Variants in PSKH1 observed in about 807,000 individuals in gnomAD.
The protein encoded by PSKH1 is protein serine kinase H1.
A neutral mutation model predicts 26.7 loss-of-function variants in PSKH1; 12 were observed. The ratio of observed to expected loss-of-function variants is 0.45; its 90% confidence interval spans 0.29 to 0.73. PSKH1 has a LOEUF of 0.73. Among genes scored for constraint, PSKH1 ranks in the 30% least tolerant of loss-of-function variants. The probability of loss-of-function intolerance (pLI) is 0.11; values close to 1 mark genes in which losing one functional copy is unlikely to be tolerated. For synonymous variants in PSKH1, 213 were observed against 234.3 expected, an observed-to-expected ratio of 0.91 and a Z score of 0.83; for missense variants, 431 against 595.2, an observed-to-expected ratio of 0.72 and a Z score of 2.87.
chr16:67,911,616 A>T (rs2058173596), intron 2 of PSKH1, among the ~76,000 whole-genome samples: 1 of 152,180 alleles, frequency 6.6e-6, no homozygotes, highest in Non-Finnish European at 1.5e-5. Flanking sequence ...CAGTAGACAG[A>T]GGTTGCAGTA....
At chr16:67,893,676 C>A (rs2058118335) in intron 1 of PSKH1, among the ~76,000 whole-genome samples, 1 of 152,242 alleles carries the variant, frequency 6.6e-6, no homozygotes, top group African/African-American at 2.4e-5. Flanking sequence ...CGCCCCGCGT[C>A]CAGAGCGGGT....
chr16:67,911,550 C>T (rs1241654262), intron 2 of PSKH1, among the ~76,000 whole-genome samples: 2 of 152,140 alleles, frequency 1.3e-5, no homozygotes, highest in South Asian at 2.1e-4. Flanking sequence ...GGTGTGGCAG[C>T]GGGCACCTAT....
rs1134746 is a variant in PSKH1, at chr16:67,929,442, C to T, written c.*1800C>T. ...TTTCCCCCCAGTTCCCCAAGTGTCT[C>T]TGGGGACCTGAAGCCCTGGGGCTTA... is the stretch of plus-strand genomic sequence containing the variant. On this transcript the variant is annotated 3_prime_UTR_variant, in exon 3 of 3. Transcript: ENST00000291041. 1 of 159,258 alleles carries T rather than the reference C, an allele frequency of 6.3e-6. No homozygotes were observed. The highest frequency in any genetic ancestry group is 2.4e-5 in the African/African-American group (1 of 41,586). The allele number at this position is 159,258 out of a possible 1,614,324, so 9.9% of individuals were successfully genotyped here.
At chr16:67,907,442 G>T (rs1360411849) in intron 1 of PSKH1, among the ~76,000 whole-genome samples, 1 of 151,946 alleles carries the variant, frequency 6.6e-6, no homozygotes, top group Non-Finnish European at 1.5e-5. Context: ...TGTACTTGTA[G>T]TAGAAATGGG....
chr16:67,920,266 A>AT (rs1248835864), intron 2 of PSKH1, among the ~76,000 whole-genome samples: 1 of 152,068 alleles, frequency 6.6e-6, no homozygotes, highest in Admixed American at 6.6e-5. Context: ...ATTTATTATT[A>AT]TTTTTTAATA....
intron 1 of PSKH1, among the ~76,000 whole-genome samples, chr16:67,894,738 TG>T (rs1170013000): frequency 6.6e-6 from 1 of 152,178 alleles, no homozygotes; most frequent in Non-Finnish European, 1.5e-5. Flanking sequence ...TGCTGAATGC[TG>T]ACTTATGAAT....
At chr16:67,905,800 A>C (rs1188503108) in intron 1 of PSKH1, among the ~76,000 whole-genome samples, 1 of 152,162 alleles carries the variant, frequency 6.6e-6, no homozygotes, top group Non-Finnish European at 1.5e-5. Context: ...CAGAGGCTGC[A>C]GTTAGCTGAG....
rs1452037791 is a variant in PSKH1, at chr16:67,927,140, CCAT to C, written c.958-182_958-180del. Among the ~76,000 whole-genome samples, 3 of 152,184 alleles carry C rather than the reference CCAT, an allele frequency of 2.0e-5. No individual in the cohort carries two copies. The highest frequency in any genetic ancestry group is 4.4e-5 in the Non-Finnish European group (3 of 68,036). On this transcript the variant is annotated intron_variant, in intron 2 of 2. Transcript: ENST00000291041. The surrounding 1 kb of genome is among the most constrained non-coding windows in gnomAD (Gnocchi z 5.5). The stretch of plus-strand genomic sequence containing the variant: ...AGGTCCTTTCCTTCCTTGCCAGACT[CCAT>C]CACCTGGAGAGCAGCCCTTGTTCAG...
chr16:67,897,709 C>A (rs746953193), intron 1 of PSKH1, among the ~76,000 whole-genome samples: 2 of 152,114 alleles, frequency 1.3e-5, no homozygotes, highest in Non-Finnish European at 2.9e-5. Flanking sequence ...CTGATGATGG[C>A]GAGGTCTCAC....
At chr16:67,916,337 C>T (rs1190556912) in intron 2 of PSKH1, among the ~76,000 whole-genome samples, 1 of 152,182 alleles carries the variant, frequency 6.6e-6, no homozygotes, top group East Asian at 1.9e-4. Flanking sequence ...AGTGCTCTCC[C>T]CTGTACACCA....
chr16:67,923,178 G>A (rs1598193784), intron 2 of PSKH1, among the ~76,000 whole-genome samples: 1 of 152,180 alleles, frequency 6.6e-6, no homozygotes, highest in African/African-American at 2.4e-5. Flanking sequence ...AGCATGGGTA[G>A]GGGGATGAGG....
In PSKH1 at chr16:67,910,472, G is replaced by A. The variant is rs1265777942; in HGVS notation, c.957+766G>A. On this transcript the variant is annotated intron_variant, in intron 2 of 2. Coordinates refer to ENST00000291041, the MANE Select transcript of PSKH1 (RefSeq NM_006742.3). The stretch of plus-strand genomic sequence containing the variant: ...TGTGTCCAGATCTGATTTTTTTTTA[G>A]AAGAGAAACCAGAAAATCTGATCTT... 2.0e-4 allele frequency among the ~76,000 whole-genome samples: 31 copies of A among 152,138 alleles called. 1 individual carries two copies. The highest frequency in any genetic ancestry group is 2.0e-3 in the Admixed American group (31 of 15,270).
At chr16:67,911,218 C>A (rs1299374806) in intron 2 of PSKH1, among the ~76,000 whole-genome samples, 2 of 152,192 alleles carry the variant, frequency 1.3e-5, no homozygotes, top group Non-Finnish European at 2.9e-5. Context: ...GGGGGCTCCC[C>A]ATAGGGTGTT....
intron 2 of PSKH1, among the ~76,000 whole-genome samples, chr16:67,911,928 G>C (rs1199596610): frequency 6.6e-6 from 1 of 152,224 alleles, no homozygotes; most frequent in East Asian, 1.9e-4. Flanking sequence ...CAGGCACAAG[G>C]GAGGGTATCT....
chr16:67,909,214 C>T lies in PSKH1; in HGVS notation c.465C>T (p.Ile155=), dbSNP rs760057627. The T allele has an allele frequency of 8.1e-6, 13 of 1,614,166 alleles. No homozygotes were observed. The South Asian group carries it at 1.2e-4, about 15-fold the overall frequency. The change falls in exon 2 of 3, where the codon ATC becomes ATT. Residue 155 remains isoleucine, a synonymous_variant. Transcript: ENST00000291041. This position sits in a 1 kb window ranked among gnomAD's most constrained non-coding sequence, Gnocchi z 7.8. The part of the protein sequence containing the change: ...RVLRRVRHAN[I]IQLVEVFETQ... Reference sequence around the variant, plus strand: ...TGCGTCGGGTGCGTCATGCCAACATCATCCAGCTGGTGGAGGTGTTCGAGA... The same window carrying T: ...TGCGTCGGGTGCGTCATGCCAACATTATCCAGCTGGTGGAGGTGTTCGAGA...
chr16:67,918,138 C>A (rs2058192751), intron 2 of PSKH1, among the ~76,000 whole-genome samples: 1 of 152,144 alleles, frequency 6.6e-6, no homozygotes, highest in South Asian at 2.1e-4. Flanking sequence ...TGCAGAGAGT[C>A]TGTGATTCAC....
At chr16:67,894,058 A>G (rs2058119494) in intron 1 of PSKH1, among the ~76,000 whole-genome samples, 1 of 152,238 alleles carries the variant, frequency 6.6e-6, no homozygotes, top group South Asian at 2.1e-4. Context: ...AGGTTTAACC[A>G]GCCAATCAAC....
rs201063938 is a variant in PSKH1 at position 67,895,236 on chromosome 16, T to TG, written c.-71+1865_-71+1866insG. 2.7e-3 allele frequency among the ~76,000 whole-genome samples: 405 copies of TG among 151,952 alleles called. 1 individual carries two copies. The highest frequency in any genetic ancestry group is 9.4e-3 in the African/African-American group (389 of 41,396). ...CTATGCCTGGCTGAGATTTTTTTTTTTTTGTTTAAACAGAGACGAGGTCTC... is the reference window on the plus strand; with the variant it reads ...CTATGCCTGGCTGAGATTTTTTTTTTGTTTGTTTAAACAGAGACGAGGTCTC... On this transcript the variant is annotated intron_variant, in intron 1 of 2. Coordinates refer to ENST00000291041, the MANE Select transcript of PSKH1 (RefSeq NM_006742.3).
At chr16:67,921,478 G>A (rs1442961938) in intron 2 of PSKH1, among the ~76,000 whole-genome samples, 1 of 151,938 alleles carries the variant, frequency 6.6e-6, no homozygotes, top group Admixed American at 6.6e-5. Context: ...GGGAGGCCGA[G>A]GCAGGAGAAT....
Sources: gnomAD v4.1 joint callset for allele counts (sites outside exome capture counted in the v4.1 genomes callset) on GRCh38, gnomAD v4.1.1 for gene constraint, Gnocchi (gnomAD v3.1) non-coding constraint, MANE v1.5 for transcripts, NCBI Gene and HGNC (gene_info 2026-07-23, HGNC 2026-07-21) for gene names.